The following SNX30 variants were observed in gnomAD, a reference collection of about 807,000 sequenced individuals.
The protein encoded by SNX30 is sorting nexin-30.
SNX30 carries 24 observed loss-of-function variants against 46.4 expected under a neutral mutation model. The observed-to-expected ratio is 0.52, with a 90% confidence interval of 0.37 to 0.73. The LOEUF is 0.73. Among genes scored for constraint, SNX30 ranks in the 30% least tolerant of loss-of-function variants. The pLI is 0.00. For missense variants in SNX30, 533 were observed against 555.7 expected (o/e 0.96, Z 0.41); for synonymous variants, 189 against 211.5 (o/e 0.89, Z 0.92).
At chr9:112,828,197 C>T (rs560424188) in intron 3 of SNX30, among the ~76,000 whole-genome samples, 1 of 152,330 alleles carries the variant, frequency 6.6e-6, no homozygotes, top group South Asian at 2.1e-4. Context: ...AGTGACATTT[C>T]TGTCAATGGT....
At chr9:112,837,368 C>T (rs1379101852) in intron 5 of SNX30, among the ~76,000 whole-genome samples, 1 of 152,044 alleles carries the variant, frequency 6.6e-6, no homozygotes, top group Non-Finnish European at 1.5e-5. Flanking sequence ...AGGTGGCCAC[C>T]GAGTGATAGA....
chr9:112,832,312 C>G (rs1840671378), intron 4 of SNX30, among the ~76,000 whole-genome samples: 1 of 151,988 alleles, frequency 6.6e-6, no homozygotes, highest in African/African-American at 2.4e-5. Context: ...ACTTTCTCCC[C>G]CAAGGTCCAT....
intron 5 of SNX30, among the ~76,000 whole-genome samples, chr9:112,881,125 G>A (rs577260049): frequency 3.9e-5 from 6 of 152,136 alleles, no homozygotes; most frequent in African/African-American, 9.7e-5. Flanking sequence ...AAATGGATGC[G>A]CAGCAATTAG....
intron 4 of SNX30, among the ~76,000 whole-genome samples, chr9:112,831,285 A>G (rs577859504): frequency 1.3e-5 from 2 of 152,186 alleles, no homozygotes; most frequent in South Asian, 2.1e-4. Flanking sequence ...GCAAATCCAT[A>G]TAGATGGATT....
chr9:112,833,173 T>C (rs1840696575), intron 4 of SNX30, among the ~76,000 whole-genome samples: 1 of 152,202 alleles, frequency 6.6e-6, no homozygotes, highest in Admixed American at 6.5e-5. Flanking sequence ...TCTGAAACTC[T>C]ATGCCCATTA....
At chr9:112,855,237 G>T (rs1841102711) in intron 7 of SNX30, among the ~76,000 whole-genome samples, 1 of 152,096 alleles carries the variant, frequency 6.6e-6, no homozygotes, top group Non-Finnish European at 1.5e-5. Context: ...TAAAAAGCCA[G>T]GGAATTCGGA....
chr9:112,759,894 A>G (rs1020850707), intron 1 of SNX30, among the ~76,000 whole-genome samples: 3 of 152,168 alleles, frequency 2.0e-5, no homozygotes, highest in Non-Finnish European at 4.4e-5. Flanking sequence ...CTGGGTTGAT[A>G]GGAAGACCCA....
At chr9:112,817,098 A>G (rs191078973) in intron 2 of SNX30, among the ~76,000 whole-genome samples, 1 of 152,320 alleles carries the variant, frequency 6.6e-6, no homozygotes, top group Admixed American at 6.5e-5. Flanking sequence ...GTTTGGCAGA[A>G]TGTGGCAAAT....
chr9:112,751,616 T>A (rs1839278580), intron 1 of SNX30, among the ~76,000 whole-genome samples: 1 of 152,212 alleles, frequency 6.6e-6, no homozygotes, highest in African/African-American at 2.4e-5. Context: ...GCGAGAGTCT[T>A]CTTCCCCCTA....
chr9:112,847,187 A>G (rs1372721987), intron 6 of SNX30, among the ~76,000 whole-genome samples: 1 of 152,198 alleles, frequency 6.6e-6, no homozygotes, highest in Non-Finnish European at 1.5e-5. Context: ...TAGCCTTTTT[A>G]TTATAGAAAA....
In SNX30 at chr9:112,873,361, C is replaced by G. The variant is rs4978509; in HGVS notation, c.*4518C>G. ...GCCACAGACTTTTCAAAGCCCAACTCTACTTTTTTGAGAATTTGTCCGTAC... is the reference window on the plus strand; with the variant it reads ...GCCACAGACTTTTCAAAGCCCAACTGTACTTTTTTGAGAATTTGTCCGTAC... On this transcript the variant is annotated 3_prime_UTR_variant, in exon 9 of 9. Transcript: ENST00000374232. 126,315 of 152,238 alleles carry G rather than the reference C, an allele frequency of 0.83. 53,053 individuals are homozygous for G. Among genetic ancestry groups the G allele is most frequent in the Non-Finnish European group, 0.9 (61,376 of 68,032 alleles). The allele number at this position is 152,238 out of a possible 1,614,324, so 9.4% of individuals were successfully genotyped here. A position where few individuals can be genotyped will look rare whatever the true frequency, so the allele number is the denominator to read the frequency against.
chr9:112,781,934 G>A (rs1839853260), intron 1 of SNX30, among the ~76,000 whole-genome samples: 1 of 151,992 alleles, frequency 6.6e-6, no homozygotes, highest in Non-Finnish European at 1.5e-5. Context: ...GAGCCACTGC[G>A]CCCCGCCCAC....
chr9:112,834,626 G>A (rs1238677908), intron 4 of SNX30, among the ~76,000 whole-genome samples: 1 of 152,132 alleles, frequency 6.6e-6, no homozygotes, highest in African/African-American at 2.4e-5. Flanking sequence ...CTTCGTGACA[G>A]CAGCATTCCA....
At chr9:112,793,558 C>T (rs375138585) in intron 1 of SNX30, among the ~76,000 whole-genome samples, 2 of 152,332 alleles carry the variant, frequency 1.3e-5, no homozygotes, top group African/African-American at 4.8e-5. Context: ...ATCACACTTT[C>T]AAATTAGCGT....
At position 112,874,338 on chromosome 9, in the gene SNX30, T is replaced by C. The variant is rs1841490015; in HGVS notation, c.*5495T>C. The stretch of plus-strand genomic sequence containing the variant: ...TATTTCTGTGTGCCTGTTCCCTTCA[T>C]TGCTGTGAGTTGGGAGTGCATTGAG... On this transcript the variant is annotated 3_prime_UTR_variant, in exon 9 of 9. Coordinates refer to ENST00000374232, the MANE Select transcript of SNX30 (RefSeq NM_001012994.2). The C allele has an allele frequency of 6.6e-6, 1 of 152,254 alleles. No individual in the cohort carries two copies. The highest frequency in any genetic ancestry group is 1.5e-5 in the Non-Finnish European group (1 of 68,048). The allele number at this position is 152,254 out of a possible 1,614,324, so 9.4% of individuals were successfully genotyped here.
At chr9:112,813,304 AAAAAC>A (rs1306372216) in intron 2 of SNX30, among the ~76,000 whole-genome samples, 1 of 151,948 alleles carries the variant, frequency 6.6e-6, no homozygotes, top group Non-Finnish European at 1.5e-5. Flanking sequence ...TCTCTACAAA[AAAAAC>A]AAACAAAAAA....
At chr9:112,804,050 GAGATGAACCC>G (rs1840181831) in intron 1 of SNX30, among the ~76,000 whole-genome samples, 1 of 147,956 alleles carries the variant, frequency 6.8e-6, no homozygotes, top group African/African-American at 2.5e-5. Flanking sequence ...ACTCCCTAGT[GAGATGAACCC>G]GGTACCTCAG....
At chr9:112,795,692 G>A (rs1840094080) in intron 1 of SNX30, among the ~76,000 whole-genome samples, 1 of 151,612 alleles carries the variant, frequency 6.6e-6, no homozygotes, top group African/African-American at 2.4e-5. Context: ...CAAATGTTAG[G>A]GGAGTTGGCT....
chr9:112,751,029 C>A lies in SNX30; in HGVS notation c.28C>A (p.Pro10Thr). The change falls in exon 1 of 9, where the codon CCG (proline) becomes ACG (threonine). Residue 10 changes from proline (P) to threonine (T), a missense_variant. Pro to Thr is a conservative substitution (Grantham distance 38). Around this residue, in one of 3 missense-constraint regions of SNX30, gnomAD observed 191 missense variants for 160.3 expected, o/e 1.19. Transcript: ENST00000374232. Reference sequence around the variant, plus strand: ...GGCGGGCGGGCCCCCCAAGGCCCTGCCGTCCACGGGGCCCCACTCCCTGCG... The same window carrying A: ...GGCGGGCGGGCCCCCCAAGGCCCTGACGTCCACGGGGCCCCACTCCCTGCG... MAGGPPKAL[P>T]STGPHSLRDM... 1 of 1,433,046 alleles carries A rather than the reference C, an allele frequency of 7.0e-7. No individual in the cohort carries two copies. Among genetic ancestry groups the A allele is most frequent in the Non-Finnish European group, 9.1e-7 (1 of 1,093,068 alleles). The allele number at this position is 1,433,046 out of a possible 1,614,324, so 88.8% of individuals were successfully genotyped here. A position where few individuals can be genotyped will look rare whatever the true frequency, so the allele number is the denominator to read the frequency against.
Sources: allele counts gnomAD v4.1 joint callset (sites outside exome capture counted in the v4.1 genomes callset), GRCh38; gene constraint gnomAD v4.1.1; regional missense constraint gnomAD v4.1.1; transcripts MANE v1.5; gene names NCBI Gene and HGNC (gene_info 2026-07-23, HGNC 2026-07-21).